ITPK1: variants seen among roughly 807,000 people sequenced by gnomAD.
ITPK1 encodes inositol 1,3,4-trisphosphate 5/6-kinase.
ITPK1 carries 21 observed loss-of-function variants against 45.3 expected under a neutral mutation model. The observed-to-expected ratio is 0.46, with a 90% CI of 0.33 to 0.67. The LOEUF is 0.67. Among genes scored for constraint, ITPK1 ranks in the 30% least tolerant of loss-of-function variants. ITPK1 has a pLI of 0.02. For synonymous variants in ITPK1, 258 were observed against 253.6 expected (o/e 1.02, Z -0.16); for missense variants, 474 against 573.5 (o/e 0.83, Z 1.77).
intron 2 of ITPK1, among the ~76,000 whole-genome samples, chr14:93,099,596 G>C (rs80247608): frequency 0.019 from 2,850 of 152,280 alleles, 71 homozygotes; most frequent in Admixed American, 0.08. Flanking sequence ...AGGACTCTCA[G>C]AATCTGCCTG....
intron 2 of ITPK1, among the ~76,000 whole-genome samples, chr14:93,095,529 C>T (rs1005724096): frequency 6.7e-6 from 1 of 150,246 alleles, no homozygotes; most frequent in South Asian, 2.1e-4. Flanking sequence ...CACTTATCAG[C>T]ACCACCCAAA....
At position 93,014,114 on chromosome 14, in the gene ITPK1, G is replaced by A. The variant is rs903858423; in HGVS notation, c.246+2562C>T. Reference sequence around the variant, plus strand: ...TCCGGCCTCTTACTGAAGCACAGACGGTGATGAAAATTTATCCCAGAAATA... The same window carrying A: ...TCCGGCCTCTTACTGAAGCACAGACAGTGATGAAAATTTATCCCAGAAATA... On this transcript the variant is annotated intron_variant, in intron 4 of 10. Coordinates refer to ENST00000267615, the MANE Select transcript of ITPK1 (RefSeq NM_014216.6). The surrounding 1 kb of genome is among the most constrained non-coding windows in gnomAD (Gnocchi z 4.4). Among the ~76,000 whole-genome samples, 36 of 152,286 alleles carry A rather than the reference G, an allele frequency of 2.4e-4. No homozygotes were observed. Among genetic ancestry groups the A allele is most frequent in the Middle Eastern group, 3.4e-3 (1 of 292 alleles).
chr14:92,946,524 G>T (rs1387406790), intron 9 of ITPK1, 31 bp from the exon 10 acceptor site: 2 of 1,606,394 alleles, frequency 1.2e-6, no homozygotes, highest in South Asian at 1.1e-5. Flanking sequence ...GTCAGGCCAT[G>T]GGCCGAGGAG....
Position 92,962,770 on chromosome 14 carries a change from G to C in ITPK1, c.444C>G (p.Asn148Lys), listed in dbSNP as rs760022527. The stretch of plus-strand genomic sequence containing the variant: ...ACGCACTGAATGGGAAAGTCAAGCC[G>C]TTCTTCTCCAGCAGCCGCATGGTGT... ...GDDTMRLLEK[N>K]GLTFPFICKT... Residue 148 changes from asparagine (N) to lysine (K), a missense_variant, in exon 6 of 11, where the codon AAC (asparagine) becomes AAG (lysine). Transcript: ENST00000267615. 1 of 1,613,602 alleles carries C rather than the reference G, an allele frequency of 6.2e-7. No individual in the cohort carries two copies. Among genetic ancestry groups the C allele is most frequent in the South Asian group, 1.1e-5 (1 of 91,076 alleles).
intron 5 of ITPK1, among the ~76,000 whole-genome samples, chr14:92,983,431 A>G (rs1040041574): frequency 6.6e-6 from 1 of 152,208 alleles, no homozygotes; most frequent in East Asian, 1.9e-4. Context: ...GCTTACATTC[A>G]TGAACCCGTC....
intron 3 of ITPK1, among the ~76,000 whole-genome samples, chr14:93,019,174 C>T (rs1293322822): frequency 6.6e-6 from 1 of 152,194 alleles, no homozygotes; most frequent in Non-Finnish European, 1.5e-5. Flanking sequence ...GCTACGAGCG[C>T]AGGGGGAGCC....
At chr14:93,045,645 C>T (rs762134057) in intron 3 of ITPK1, among the ~76,000 whole-genome samples, 1 of 152,128 alleles carries the variant, frequency 6.6e-6, no homozygotes, top group Non-Finnish European at 1.5e-5. Context: ...CCAGCCTGGG[C>T]AACACAGCGA....
At chr14:93,019,188 C>T (rs543733153) in intron 3 of ITPK1, among the ~76,000 whole-genome samples, 1 of 152,194 alleles carries the variant, frequency 6.6e-6, no homozygotes. Flanking sequence ...GGGAGCCGGG[C>T]CACAGGAGCG....
In ITPK1 at chr14:92,938,938, G is replaced by A. The variant is rs541443320; in HGVS notation, c.*2623C>T. The A allele has an allele frequency of 2.5e-4, 56 of 221,104 alleles. No individual in the cohort carries two copies. The highest frequency in any genetic ancestry group is 1.7e-3 in the Admixed American group (32 of 18,612). The allele number at this position is 221,104 out of a possible 1,614,324, so 13.7% of individuals were successfully genotyped here. On this transcript the variant is annotated 3_prime_UTR_variant, in exon 11 of 11. Transcript: ENST00000267615. ...AACTACCCAAGGACTCAGCCAAAGT[G>A]TGGTCTGGCCCCTTGCTCCTGGAGC... is the stretch of plus-strand genomic sequence containing the variant.
chr14:92,978,109 C>G (rs1300895648), intron 5 of ITPK1, among the ~76,000 whole-genome samples: 1 of 151,956 alleles, frequency 6.6e-6, no homozygotes, highest in African/African-American at 2.4e-5. Flanking sequence ...GAGGAACTTA[C>G]TGGAAACTGG....
rs781715010 is a variant in ITPK1 at position 92,958,155 on chromosome 14, G to A, written c.670+46C>T. ...GACAGCTGCTGCCACATCCCAGCTG[G>A]GCCCCTGAGTCTTGCTCAGCCCAAG... On this transcript the variant is annotated intron_variant, in intron 8 of 10. Transcript: ENST00000267615. This position sits in a 1 kb window ranked among gnomAD's most constrained non-coding sequence, Gnocchi z 4.4. The A allele has an allele frequency of 2.5e-6, 4 of 1,594,932 alleles. No individual in the cohort carries two copies. The highest frequency in any genetic ancestry group is 3.4e-6 in the Non-Finnish European group (4 of 1,163,112).
intron 3 of ITPK1, among the ~76,000 whole-genome samples, chr14:93,042,657 C>G: frequency 6.6e-6 from 1 of 152,176 alleles, no homozygotes; most frequent in Admixed American, 6.5e-5. Context: ...GTGGCTGCAG[C>G]GCTCAGAGGG....
chr14:92,989,008 C>A lies in ITPK1; in HGVS notation c.364+4872G>T, dbSNP rs191593698. 4.5e-3 allele frequency among the ~76,000 whole-genome samples: 682 copies of A among 152,162 alleles called. 5 individuals are homozygous for A. The highest frequency in any genetic ancestry group is 0.016 in the African/African-American group (645 of 41,498). On this transcript the variant is annotated intron_variant, in intron 5 of 10. Coordinates refer to ENST00000267615, the MANE Select transcript of ITPK1 (RefSeq NM_014216.6). The stretch of plus-strand genomic sequence containing the variant: ...CTGAGGCCTTGACTCCAAGTCCCCA[C>A]CCCTCTGCAGCTCCCCGAGGGTTGA...
In ITPK1 at chr14:93,063,679, T is replaced by G. The variant is rs1374020336; in HGVS notation, c.120+12916A>C. 1.3e-5 allele frequency among the ~76,000 whole-genome samples: 2 copies of G among 152,076 alleles called. No individual in the cohort carries two copies. The highest frequency in any genetic ancestry group is 1.3e-4 in the Admixed American group (2 of 15,268). On this transcript the variant is annotated intron_variant, in intron 3 of 10. Coordinates refer to ENST00000267615, the MANE Select transcript of ITPK1 (RefSeq NM_014216.6). This position sits in a 1 kb window ranked among gnomAD's most constrained non-coding sequence, Gnocchi z 4.3. ...TGGACTCTCACCAGGCAGGCAGTCTTCGGAGCAGAAGAGGCACTGGCTATG... is the reference window on the plus strand; with the variant it reads ...TGGACTCTCACCAGGCAGGCAGTCTGCGGAGCAGAAGAGGCACTGGCTATG...
At chr14:93,072,131 TAAAAAAAAAA>T (rs34502960) in intron 3 of ITPK1, 1 of 124,662 alleles carries the variant, frequency 8.0e-6, no homozygotes, top group Admixed American at 8.3e-5. Flanking sequence ...CATCTCTACT[TAAAAAAAAAA>T]AAAAAAAAAA....
At chr14:92,966,843 G>T (rs768597137) in intron 5 of ITPK1, among the ~76,000 whole-genome samples, 2 of 152,206 alleles carry the variant, frequency 1.3e-5, no homozygotes, top group Non-Finnish European at 2.9e-5. Context: ...TCAAGGGGCG[G>T]AAAGAATATT....
intron 3 of ITPK1, among the ~76,000 whole-genome samples, chr14:93,017,439 C>T (rs893098619): frequency 6.6e-6 from 1 of 152,228 alleles, no homozygotes; most frequent in Non-Finnish European, 1.5e-5. Flanking sequence ...CCTGCTATGC[C>T]AGGGAAGGTG....
chr14:92,946,389 G>A lies in ITPK1; in HGVS notation c.843C>T (p.Asp281=), dbSNP rs779557858. The A allele has an allele frequency of 6.2e-7, 1 of 1,613,472 alleles. No homozygotes were observed. The highest frequency in any genetic ancestry group is 1.7e-5 in the Admixed American group (1 of 60,032). Residue 281 remains aspartate, a synonymous_variant, in exon 10 of 11, where the codon GAC becomes GAT. Coordinates refer to ENST00000267615, the MANE Select transcript of ITPK1 (RefSeq NM_014216.6). Reference sequence around the variant, plus strand: ...GCCCTGTCTGGTTGTTGATGATGATGTCGATGCCGAAGAGTGACACGCCCA... The same window carrying A: ...GCCCTGTCTGGTTGTTGATGATGATATCGATGCCGAAGAGTGACACGCCCA... ...QALGVSLFGI[D]IIINNQTGQH... is the part of the protein sequence containing the mutation.
intron 4 of ITPK1, among the ~76,000 whole-genome samples, chr14:93,010,587 T>C (rs903284479): frequency 6.6e-6 from 1 of 152,244 alleles, no homozygotes; most frequent in African/African-American, 2.4e-5. Context: ...GCATTTCCAC[T>C]GCCCTAGCAC....
Sources: gnomAD v4.1 joint callset for allele counts (sites outside exome capture counted in the v4.1 genomes callset) on GRCh38, gnomAD v4.1.1 for gene constraint, Gnocchi (gnomAD v3.1) non-coding constraint, MANE v1.5 for transcripts, NCBI Gene and HGNC (gene_info 2026-07-23, HGNC 2026-07-21) for gene names.